The following MAML3 variants were observed in gnomAD, a reference collection of about 807,000 sequenced individuals.
MAML3 encodes mastermind like transcriptional coactivator 3, also known as mastermind-like protein 3.
A neutral mutation model predicts 101.9 loss-of-function variants in MAML3; 27 were observed. That is an observed-to-expected ratio of 0.27 (90% CI 0.20 to 0.37). The LOEUF (loss-of-function observed/expected upper bound fraction) is 0.37, where lower values mean the gene tolerates loss of function less well. MAML3 is among the 10% of genes least tolerant of loss of function. The pLI, the probability that MAML3 is intolerant of heterozygous loss-of-function variation, is 1.00. For synonymous variants in MAML3, 501 were observed against 555.9 expected, an observed-to-expected ratio of 0.90 and a Z score of 1.39; for missense variants, 1,316 against 1,444.9, an observed-to-expected ratio of 0.91 and a Z score of 1.45.
chr4:139,789,976 A>C (rs1248375065), intron 2 of MAML3, among the ~76,000 whole-genome samples: 2 of 151,980 alleles, frequency 1.3e-5, no homozygotes, highest in African/African-American at 4.8e-5. Context: ...TCCCAGGAGA[A>C]GTCTAGCTGA....
At chr4:139,821,290 G>A (rs1383237241) in intron 2 of MAML3, among the ~76,000 whole-genome samples, 1 of 152,180 alleles carries the variant, frequency 6.6e-6, no homozygotes, top group Non-Finnish European at 1.5e-5. Flanking sequence ...ACAGTAGGAG[G>A]TGAGTGGCGG....
At chr4:139,994,394 G>A (rs1734761884) in intron 1 of MAML3, among the ~76,000 whole-genome samples, 1 of 152,224 alleles carries the variant, frequency 6.6e-6, no homozygotes, top group South Asian at 2.1e-4. Flanking sequence ...GCCAGGTGCA[G>A]TGGCTCACGT....
At chr4:139,891,599 T>G (rs569386364) in intron 1 of MAML3, among the ~76,000 whole-genome samples, 11 of 152,228 alleles carry the variant, frequency 7.2e-5, no homozygotes, top group African/African-American at 2.6e-4. Flanking sequence ...TGGACCAAAA[T>G]GTAACATACT....
At chr4:139,745,653 CA>C (rs1729296338) in intron 2 of MAML3, among the ~76,000 whole-genome samples, 1 of 152,176 alleles carries the variant, frequency 6.6e-6, no homozygotes, top group African/African-American at 2.4e-5. Flanking sequence ...ACATGGCTAC[CA>C]GAAACCTGGC....
intron 2 of MAML3, among the ~76,000 whole-genome samples, chr4:139,814,025 A>AACACAAAC (rs71584334): frequency 0.017 from 2,415 of 145,120 alleles, 70 homozygotes; most frequent in African/African-American, 0.058. Context: ...CACAAACACA[A>AACACAAAC]ACACACACAC....
rs554154653 is a variant in MAML3, at chr4:140,151,696, G to T, written c.468+1164C>A. ...GCACCCGGGCGGCGCGGTGCGGGGG[G>T]GGGGGGCACACACCTTTCCCAAGCT... On this transcript the variant is annotated intron_variant, in intron 1 of 4. Transcript: ENST00000509479. Among the ~76,000 whole-genome samples the T allele has an allele frequency of 5.9e-4, 88 of 150,410 alleles. 1 individual carries two copies. Among genetic ancestry groups the T allele is most frequent in the Admixed American group, 2.9e-3 (43 of 14,738 alleles).
At chr4:139,957,878 A>T (rs1292944506) in intron 1 of MAML3, among the ~76,000 whole-genome samples, 1 of 152,262 alleles carries the variant, frequency 6.6e-6, no homozygotes, top group Non-Finnish European at 1.5e-5. Flanking sequence ...CAATTATGAC[A>T]CAGGAGCAAA....
At chr4:139,863,344 T>C (rs917244625) in intron 2 of MAML3, among the ~76,000 whole-genome samples, 1 of 39,332 alleles carries the variant, frequency 2.5e-5, no homozygotes, top group Non-Finnish European at 8.2e-5. Context: ...TCCTGTGCCC[T>C]TTTTTTTTTT....
At chr4:140,075,762 G>A (rs1013829046) in intron 1 of MAML3, among the ~76,000 whole-genome samples, 1 of 149,664 alleles carries the variant, frequency 6.7e-6, no homozygotes, top group African/African-American at 2.5e-5. Flanking sequence ...AGTCTTTTTT[G>A]GGGGTGGGGG....
At chr4:139,897,562 T>C (rs1158608987) in intron 1 of MAML3, among the ~76,000 whole-genome samples, 1 of 152,158 alleles carries the variant, frequency 6.6e-6, no homozygotes, top group African/African-American at 2.4e-5. Flanking sequence ...ATTCTATGAA[T>C]TTTAGTCTCA....
At chr4:139,758,232 C>T (rs570485783) in intron 2 of MAML3, among the ~76,000 whole-genome samples, 4 of 152,274 alleles carry the variant, frequency 2.6e-5, no homozygotes, top group African/African-American at 9.6e-5. Context: ...GGGAGAGAGG[C>T]GTCTGCATTT....
At chr4:139,839,490 G>C (rs1578625771) in intron 2 of MAML3, among the ~76,000 whole-genome samples, 2 of 150,172 alleles carry the variant, frequency 1.3e-5, no homozygotes, top group East Asian at 3.9e-4. Context: ...TTTTTTAATG[G>C]AGGGTTCTTT....
At chr4:139,934,186 G>A (rs981092756) in intron 1 of MAML3, among the ~76,000 whole-genome samples, 1 of 152,022 alleles carries the variant, frequency 6.6e-6, no homozygotes, top group African/African-American at 2.4e-5. Flanking sequence ...GTCTGAGTGT[G>A]TGTGAATGTG....
intron 1 of MAML3, among the ~76,000 whole-genome samples, chr4:140,124,180 T>C (rs914599157): frequency 1.3e-5 from 2 of 152,198 alleles, no homozygotes; most frequent in Admixed American, 6.5e-5. Context: ...GCCCTTCCTC[T>C]CCAGTTTCCT....
chr4:139,734,833 ACAAAAGACGGC>A (rs1430978553), intron 2 of MAML3, among the ~76,000 whole-genome samples: 1 of 152,272 alleles, frequency 6.6e-6, no homozygotes, highest in Non-Finnish European at 1.5e-5. Context: ...GCAGGGAATC[ACAAAAGACGGC>A]CGGCGGCGAG....
chr4:140,153,504 G>T lies in MAML3; in HGVS notation c.-177C>A. 1.5e-6 allele frequency: 1 copy of T among 671,290 alleles called. No homozygotes were observed. Among genetic ancestry groups the T allele is most frequent in the South Asian group, 2.5e-5 (1 of 40,352 alleles). 41.6% of individuals were successfully genotyped at this position (671,290 alleles called of 1,614,324 possible). ...AAACGGGGGGGGAGATTTTGGGGTGGTTTTTGTTTCCTTTTTTTAAACTGT... is the reference window on the plus strand; with the variant it reads ...AAACGGGGGGGGAGATTTTGGGGTGTTTTTTGTTTCCTTTTTTTAAACTGT... On this transcript the variant is annotated 5_prime_UTR_variant, in exon 1 of 5. Coordinates refer to ENST00000509479, the MANE Select transcript of MAML3 (RefSeq NM_018717.5).
At chr4:139,886,191 G>T (rs1732335563) in intron 2 of MAML3, among the ~76,000 whole-genome samples, 1 of 151,940 alleles carries the variant, frequency 6.6e-6, no homozygotes, top group African/African-American at 2.4e-5. Flanking sequence ...ACTCACTAAA[G>T]CAGGGATTCA....
At chr4:140,006,234 G>T (rs4585248) in intron 1 of MAML3, among the ~76,000 whole-genome samples, 1 of 151,786 alleles carries the variant, frequency 6.6e-6, no homozygotes, top group African/African-American at 2.4e-5. Context: ...GGGAGTGGAA[G>T]GGGGAGGGGT....
intron 1 of MAML3, among the ~76,000 whole-genome samples, chr4:140,093,012 T>C (rs1170047734): frequency 6.6e-6 from 1 of 152,150 alleles, no homozygotes; most frequent in Non-Finnish European, 1.5e-5. Context: ...TATTGTGAAA[T>C]CCACCCAGGG....
Sources: allele counts gnomAD v4.1 joint callset (sites outside exome capture counted in the v4.1 genomes callset), GRCh38; gene constraint gnomAD v4.1.1; transcripts MANE v1.5; gene names NCBI Gene and HGNC (gene_info 2026-07-23, HGNC 2026-07-21).